The following PACSIN2 variants were observed in gnomAD, a reference collection of about 807,000 sequenced individuals.
PACSIN2 encodes the protein protein kinase C and casein kinase substrate in neurons protein 2.
PACSIN2 carries 25 observed loss-of-function variants against 63.8 expected under a neutral mutation model. The observed-to-expected ratio is 0.39, with a 90% CI of 0.29 to 0.55. PACSIN2 has a LOEUF of 0.55. Among genes scored for constraint, PACSIN2 ranks in the 20% least tolerant of loss-of-function variants. The pLI is 0.62. For synonymous variants in PACSIN2, 255 were observed against 256.2 expected (o/e 1.00, Z 0.05); for missense variants, 518 against 646.9 (o/e 0.80, Z 2.16).
intron 1 of PACSIN2, among the ~76,000 whole-genome samples, chr22:42,948,822 G>A (rs968665964): frequency 3.9e-5 from 6 of 152,192 alleles, no homozygotes; most frequent in African/African-American, 1.4e-4. Context: ...CCAGTTTCGT[G>A]TGACAAACTG....
At chr22:42,949,133 G>A (rs142501884) in intron 1 of PACSIN2, among the ~76,000 whole-genome samples, 2 of 152,240 alleles carry the variant, frequency 1.3e-5, no homozygotes, top group East Asian at 3.9e-4. Context: ...TCTCTATAAG[G>A]ACAAAACATT....
rs866193616 is a variant in PACSIN2, at chr22:42,906,836, G to A, written c.60+5185C>T. ...ATGTCTACATTTTGTGTGTAACATC[G>A]GGGTAGGAAAAAGAGTTTTTGCCAA... On this transcript the variant is annotated intron_variant, in intron 2 of 10. Coordinates refer to ENST00000263246, the MANE Select transcript of PACSIN2 (RefSeq NM_001184970.3). Among the ~76,000 whole-genome samples the A allele has an allele frequency of 7.2e-5, 11 of 152,278 alleles. No homozygotes were observed. In the Middle Eastern group the frequency reaches 0.014, roughly 188 times the overall value.
At chr22:42,947,863 A>C (rs1222324354) in intron 1 of PACSIN2, among the ~76,000 whole-genome samples, 8 of 152,166 alleles carry the variant, frequency 5.3e-5, no homozygotes, top group Non-Finnish European at 1.2e-4. Context: ...GGCCAGGGAG[A>C]AGGTGACTGG....
intron 1 of PACSIN2, among the ~76,000 whole-genome samples, chr22:42,949,105 C>A (rs1032069770): frequency 6.6e-6 from 1 of 152,148 alleles, no homozygotes; most frequent in East Asian, 1.9e-4. Flanking sequence ...CCAGCCTGAG[C>A]AACAAGGTGG....
At chr22:42,899,439 GCA>G (rs1324906509) in intron 2 of PACSIN2, among the ~76,000 whole-genome samples, 1 of 152,112 alleles carries the variant, frequency 6.6e-6, no homozygotes, top group Non-Finnish European at 1.5e-5. Context: ...AGCAGGCAGA[GCA>G]CACAGAGACA....
intron 1 of PACSIN2, among the ~76,000 whole-genome samples, chr22:43,013,203 T>C (rs1254003643): frequency 6.6e-6 from 1 of 152,234 alleles, no homozygotes; most frequent in Non-Finnish European, 1.5e-5. Flanking sequence ...TTCAAATGAG[T>C]TGTTATTCTT....
At position 42,874,976 on chromosome 22, in the gene PACSIN2, G is replaced by A. The variant is rs145495429; in HGVS notation, c.1348+1161C>T. Among the ~76,000 whole-genome samples the A allele has an allele frequency of 6.1e-3, 926 of 150,972 alleles. 5 individuals are homozygous for A. The highest frequency in any genetic ancestry group is 0.021 in the African/African-American group (875 of 41,042). On this transcript the variant is annotated intron_variant, in intron 10 of 10. Transcript: ENST00000263246. ...AGCAATTTTCCTGCGTCAGCCTCCC[G>A]AGTAGCTGGGACTACAGGCGGCTGC... is the stretch of plus-strand genomic sequence containing the variant.
At chr22:42,899,993 AG>A (rs1226424020) in intron 2 of PACSIN2, among the ~76,000 whole-genome samples, 1 of 152,234 alleles carries the variant, frequency 6.6e-6, no homozygotes, top group Non-Finnish European at 1.5e-5. Context: ...AAATAGAGAC[AG>A]GAACGGTTAT....
chr22:43,014,806 A>C (rs1227218961), intron 1 of PACSIN2, among the ~76,000 whole-genome samples: 2 of 52,896 alleles, frequency 3.8e-5, no homozygotes, highest in African/African-American at 7.8e-5. Flanking sequence ...CGTCCTCCCC[A>C]AGATGTCTTC....
intron 1 of PACSIN2, among the ~76,000 whole-genome samples, chr22:43,010,015 G>A (rs540558017): frequency 4.4e-4 from 67 of 151,272 alleles, no homozygotes; most frequent in Middle Eastern, 3.4e-3. Context: ...GATTATAGGC[G>A]CACGCCACCA....
At chr22:42,882,557 C>T (rs578003801) in intron 6 of PACSIN2, among the ~76,000 whole-genome samples, 2 of 152,338 alleles carry the variant, frequency 1.3e-5, no homozygotes, top group Admixed American at 1.3e-4. Context: ...CTCTGTGTCA[C>T]ATATGCAAAA....
chr22:42,956,403 C>A (rs964262763), intron 1 of PACSIN2, among the ~76,000 whole-genome samples: 1 of 152,180 alleles, frequency 6.6e-6, no homozygotes, highest in Admixed American at 6.5e-5. Context: ...GGTGTCAAGG[C>A]AGAACTGTGA....
At chr22:42,986,710 T>C (rs1569354390) in intron 1 of PACSIN2, among the ~76,000 whole-genome samples, 1 of 152,096 alleles carries the variant, frequency 6.6e-6, no homozygotes, top group African/African-American at 2.4e-5. Flanking sequence ...GCTTTTGTGC[T>C]ATGACCTGAA....
chr22:42,932,049 T>C (rs1224811683), intron 1 of PACSIN2, among the ~76,000 whole-genome samples: 2 of 152,136 alleles, frequency 1.3e-5, no homozygotes, highest in African/African-American at 2.4e-5. Flanking sequence ...ATCACATCAC[T>C]TCAACCCTAA....
intron 1 of PACSIN2, among the ~76,000 whole-genome samples, chr22:42,936,665 C>T (rs1471859622): frequency 6.6e-6 from 1 of 152,168 alleles, no homozygotes; most frequent in Non-Finnish European, 1.5e-5. Flanking sequence ...AATCCCAGCA[C>T]TTTGGAAGGT....
At chr22:42,967,325 T>C (rs1255791204) in intron 1 of PACSIN2, among the ~76,000 whole-genome samples, 1 of 152,110 alleles carries the variant, frequency 6.6e-6, no homozygotes, top group African/African-American at 2.4e-5. Flanking sequence ...ATGTTACTGA[T>C]CAGGGCTTTT....
chr22:42,959,595 T>G (rs1230029808), intron 1 of PACSIN2: 2 of 152,348 alleles, frequency 1.3e-5, no homozygotes, highest in Non-Finnish European at 2.9e-5. Context: ...CCAAGCACCC[T>G]GGATAAAGCA....
chr22:42,961,115 G>A (rs1934117453), intron 1 of PACSIN2, among the ~76,000 whole-genome samples: 1 of 152,154 alleles, frequency 6.6e-6, no homozygotes, highest in Non-Finnish European at 1.5e-5. Context: ...GTAGGGATGG[G>A]AAAATACGTA....
At chr22:42,935,664 C>T (rs1438076339) in intron 1 of PACSIN2, among the ~76,000 whole-genome samples, 1 of 152,112 alleles carries the variant, frequency 6.6e-6, no homozygotes, top group African/African-American at 2.4e-5. Context: ...ATACTGGCTT[C>T]GAGGAAAAAG....
Sources: allele counts gnomAD v4.1 joint callset (sites outside exome capture counted in the v4.1 genomes callset), GRCh38; gene constraint gnomAD v4.1.1; transcripts MANE v1.5; gene names NCBI Gene and HGNC (gene_info 2026-07-23, HGNC 2026-07-21).